MPPED2: variants seen among roughly 807,000 people sequenced by gnomAD.
The protein encoded by MPPED2 is metallophosphoesterase MPPED2.
In MPPED2, 5 loss-of-function variants were observed where a neutral mutation model predicts 33.0. The observed-to-expected ratio is 0.15, with a 90% CI of 0.08 to 0.32. The LOEUF is 0.32. MPPED2 is among the 10% of genes least tolerant of loss of function. The probability of loss-of-function intolerance (pLI) is 1.00; values close to 1 mark genes in which losing one functional copy is unlikely to be tolerated. For missense variants in MPPED2, 275 were observed against 372.1 expected, an observed-to-expected ratio of 0.74 and a Z score of 2.15; for synonymous variants, 136 against 141.9, an observed-to-expected ratio of 0.96 and a Z score of 0.29.
chr11:30,565,423 C>T (rs1956404037), intron 2 of MPPED2, among the ~76,000 whole-genome samples: 1 of 152,006 alleles, frequency 6.6e-6, no homozygotes, highest in Non-Finnish European at 1.5e-5. Flanking sequence ...ATTACTAAAC[C>T]ATAATTTACC....
At chr11:30,553,461 C>G (rs1200801572) in intron 2 of MPPED2, among the ~76,000 whole-genome samples, 2 of 152,208 alleles carry the variant, frequency 1.3e-5, no homozygotes, top group Non-Finnish European at 2.9e-5. Context: ...TACAGAACAA[C>G]TTCTAAGTTG....
At chr11:30,571,608 A>G (rs1956694685) in intron 2 of MPPED2, among the ~76,000 whole-genome samples, 1 of 152,212 alleles carries the variant, frequency 6.6e-6, no homozygotes, top group Non-Finnish European at 1.5e-5. Flanking sequence ...TCTAGTTTCC[A>G]GTAAGCTATG....
At chr11:30,521,632 G>A (rs117928904) in intron 3 of MPPED2, among the ~76,000 whole-genome samples, 20 of 152,312 alleles carry the variant, frequency 1.3e-4, no homozygotes, top group Non-Finnish European at 2.1e-4. Flanking sequence ...ACACCACGCC[G>A]TATCTTTTGA....
At chr11:30,400,895 G>A (rs1350584049) in intron 6 of MPPED2, among the ~76,000 whole-genome samples, 1 of 152,046 alleles carries the variant, frequency 6.6e-6, no homozygotes, top group Non-Finnish European at 1.5e-5. Context: ...AGCCTCCTGA[G>A]TAGCTGGGAC....
intron 3 of MPPED2, among the ~76,000 whole-genome samples, chr11:30,499,291 G>T (rs2134233045): frequency 6.6e-6 from 1 of 152,206 alleles, no homozygotes; most frequent in Admixed American, 6.5e-5. Flanking sequence ...TATCTGAAAT[G>T]CTTGTGACCA....
chr11:30,571,089 C>T (rs1956668605), intron 2 of MPPED2, among the ~76,000 whole-genome samples: 1 of 151,746 alleles, frequency 6.6e-6, no homozygotes, highest in Non-Finnish European at 1.5e-5. Flanking sequence ...TTTTAAAGCT[C>T]AATACTATCA....
intron 3 of MPPED2, among the ~76,000 whole-genome samples, chr11:30,497,880 C>T (rs1235661126): frequency 6.6e-6 from 1 of 152,142 alleles, no homozygotes; most frequent in Non-Finnish European, 1.5e-5. Context: ...ACAAACTCAT[C>T]TTTTTCCGAG....
intron 3 of MPPED2, among the ~76,000 whole-genome samples, chr11:30,513,732 A>G (rs540858310): frequency 6.6e-6 from 1 of 152,212 alleles, no homozygotes; most frequent in Non-Finnish European, 1.5e-5. Context: ...TGTCCTATAC[A>G]TGGATCCTGG....
intron 2 of MPPED2, among the ~76,000 whole-genome samples, chr11:30,556,211 C>A (rs1565181095): frequency 6.6e-6 from 1 of 152,120 alleles, no homozygotes; most frequent in Non-Finnish European, 1.5e-5. Flanking sequence ...ATGTAAGGAT[C>A]CTTGGAGACC....
chr11:30,445,276 A>G (rs923825107), intron 4 of MPPED2, among the ~76,000 whole-genome samples: 1 of 152,180 alleles, frequency 6.6e-6, no homozygotes, highest in Non-Finnish European at 1.5e-5. Context: ...TAAATGGAAA[A>G]CAAGGCTCAA....
At chr11:30,557,189 GA>G (rs1429387746) in intron 2 of MPPED2, among the ~76,000 whole-genome samples, 2 of 142,178 alleles carry the variant, frequency 1.4e-5, no homozygotes, top group Non-Finnish European at 2.9e-5. Flanking sequence ...ATGAATAAAA[GA>G]ATGACTGTGC....
At chr11:30,565,435 A>T (rs1056268995) in intron 2 of MPPED2, among the ~76,000 whole-genome samples, 7 of 152,108 alleles carry the variant, frequency 4.6e-5, no homozygotes, top group African/African-American at 1.7e-4. Flanking sequence ...TAATTTACCT[A>T]AACAATGTCA....
chr11:30,523,212 C>T (rs1418407600), intron 3 of MPPED2, among the ~76,000 whole-genome samples: 2 of 152,084 alleles, frequency 1.3e-5, no homozygotes, highest in Non-Finnish European at 2.9e-5. Context: ...GGAAATGACT[C>T]TCCATACAGC....
intron 4 of MPPED2, among the ~76,000 whole-genome samples, chr11:30,458,714 C>T (rs1037836988): frequency 7.2e-5 from 11 of 152,118 alleles, no homozygotes; most frequent in African/African-American, 2.2e-4. Flanking sequence ...TGCCAATTTC[C>T]TGCTCTACCA....
chr11:30,444,653 TA>T (rs1299818700), intron 4 of MPPED2, among the ~76,000 whole-genome samples: 2 of 152,306 alleles, frequency 1.3e-5, no homozygotes, highest in South Asian at 4.1e-4. Context: ...TAAAAATATT[TA>T]TTATAATCTT....
At chr11:30,422,561 G>C (rs1268580017) in intron 4 of MPPED2, among the ~76,000 whole-genome samples, 1 of 152,130 alleles carries the variant, frequency 6.6e-6, no homozygotes, top group Non-Finnish European at 1.5e-5. Context: ...CCAGCAGTGA[G>C]CCCATCAGGG....
chr11:30,475,007 C>A (rs1026693627), intron 4 of MPPED2, among the ~76,000 whole-genome samples: 1 of 151,922 alleles, frequency 6.6e-6, no homozygotes, highest in Non-Finnish European at 1.5e-5. Flanking sequence ...GCAATAATAG[C>A]CTTGAATGTA....
intron 1 of MPPED2, among the ~76,000 whole-genome samples, chr11:30,585,281 G>A (rs1276336415): frequency 6.6e-6 from 1 of 152,130 alleles, no homozygotes; most frequent in African/African-American, 2.4e-5. Flanking sequence ...GGGTCGCCGG[G>A]TCGCTCCGCA....
At chr11:30,477,823 A>C (rs1224210385) in intron 4 of MPPED2, among the ~76,000 whole-genome samples, 1 of 152,038 alleles carries the variant, frequency 6.6e-6, no homozygotes, top group Non-Finnish European at 1.5e-5. Context: ...TCTACGGTGG[A>C]CGGTAGCTCG....
Sources: allele counts gnomAD v4.1 joint callset (sites outside exome capture counted in the v4.1 genomes callset), GRCh38; gene constraint gnomAD v4.1.1; transcripts MANE v1.5; gene names NCBI Gene and HGNC (gene_info 2026-07-23, HGNC 2026-07-21).